The following EYS variants were observed in gnomAD, a reference collection of about 807,000 sequenced individuals.
EYS encodes EGF-like photoreceptor maintenance factor.
In EYS, 250 loss-of-function variants were observed where a neutral mutation model predicts 282.1. The ratio of observed to expected loss-of-function variants is 0.89; its 90% CI spans 0.80 to 0.98. The LOEUF is 0.98. EYS is among the 50% of genes least tolerant of loss of function. The probability of loss-of-function intolerance (pLI) is 0.00; values close to 1 mark genes in which losing one functional copy is unlikely to be tolerated. For synonymous variants in EYS, 1,355 were observed against 1,282.9 expected (o/e 1.06, Z -1.20); for missense variants, 4,016 against 3,709.0 (o/e 1.08, Z -2.15).
At chr6:65,080,911 G>A (rs1370557797) in intron 12 of EYS, among the ~76,000 whole-genome samples, 1 of 151,910 alleles carries the variant, frequency 6.6e-6, no homozygotes, top group African/African-American at 2.4e-5. Context: ...GAACAACCTG[G>A]TATCTTTATC....
At chr6:65,135,758 ATTTTAGTAG>A (rs1776007651) in intron 12 of EYS, among the ~76,000 whole-genome samples, 1 of 151,918 alleles carries the variant, frequency 6.6e-6, no homozygotes, top group Admixed American at 6.6e-5. Context: ...TTCATCTGGA[ATTTTAGTAG>A]TGACCATTCA....
rs1344662373 is a variant in EYS at position 64,589,893 on chromosome 6, G to GTTCA, written c.5644+329_5644+330insTGAA. 2.6e-5 allele frequency among the ~76,000 whole-genome samples: 4 copies of GTTCA among 152,020 alleles called. No homozygotes were observed. In the East Asian group the frequency reaches 7.7e-4, roughly 29 times the overall value. On this transcript the variant is annotated intron_variant, in intron 26 of 42. Coordinates refer to ENST00000503581, the MANE Select transcript of EYS (RefSeq NM_001142800.2). ...ATATTGTGTTCAACCTGACAAAGAAGCTATTTCAAGAAATGAGAATAATAA... is the reference window on the plus strand; with the variant it reads ...ATATTGTGTTCAACCTGACAAAGAAGTTCACTATTTCAAGAAATGAGAATAATAA...
chr6:64,987,690 A>G (rs1770908196), intron 14 of EYS, among the ~76,000 whole-genome samples: 1 of 151,502 alleles, frequency 6.6e-6, no homozygotes, highest in African/African-American at 2.4e-5. Context: ...TTCTATGAAC[A>G]TTACATTTTT....
chr6:64,760,861 A>G (rs1006096479), intron 22 of EYS, among the ~76,000 whole-genome samples: 3 of 152,184 alleles, frequency 2.0e-5, no homozygotes, highest in Admixed American at 1.3e-4. Context: ...AGACATACTG[A>G]AAGAGGCTGG....
chr6:64,382,866 T>C (rs1772792015), intron 29 of EYS, among the ~76,000 whole-genome samples: 1 of 151,680 alleles, frequency 6.6e-6, no homozygotes, highest in Non-Finnish European at 1.5e-5. Context: ...GAGTAAAAAA[T>C]GGGAAGAGTG....
At chr6:65,281,615 A>C (rs1427415773) in intron 12 of EYS, among the ~76,000 whole-genome samples, 2 of 152,194 alleles carry the variant, frequency 1.3e-5, no homozygotes, top group Non-Finnish European at 2.9e-5. Flanking sequence ...TGCATATGTC[A>C]GTACTTTACT....
chr6:64,216,649 A>G (rs1264228451), intron 31 of EYS, among the ~76,000 whole-genome samples: 2 of 152,172 alleles, frequency 1.3e-5, no homozygotes, highest in African/African-American at 4.8e-5. Flanking sequence ...CTCAGAGAAC[A>G]CATTCTGCAA....
intron 26 of EYS, among the ~76,000 whole-genome samples, chr6:64,571,339 T>C (rs181599555): frequency 3.9e-5 from 6 of 151,948 alleles, no homozygotes; most frequent in African/African-American, 1.5e-4. Context: ...AGATCTAAAA[T>C]CAATACCCTA....
chr6:64,719,417 C>T (rs1318354029), intron 22 of EYS, among the ~76,000 whole-genome samples: 1 of 152,020 alleles, frequency 6.6e-6, no homozygotes. Context: ...GGGAAGAGTA[C>T]ATTGCTATTG....
intron 12 of EYS, among the ~76,000 whole-genome samples, chr6:65,060,229 AC>A (rs1773528269): frequency 7.3e-6 from 1 of 137,006 alleles, no homozygotes; most frequent in East Asian, 2.0e-4. Context: ...TACAAGGAAG[AC>A]TTTTTTTTTT....
chr6:64,676,589 C>A (rs1769693901), intron 22 of EYS, among the ~76,000 whole-genome samples: 1 of 152,024 alleles, frequency 6.6e-6, no homozygotes, highest in African/African-American at 2.4e-5. Flanking sequence ...TAACATTTTG[C>A]CATACATTTT....
At chr6:64,417,180 C>T (rs540718896) in intron 28 of EYS, among the ~76,000 whole-genome samples, 13 of 152,116 alleles carry the variant, frequency 8.5e-5, no homozygotes, top group Non-Finnish European at 1.8e-4. Context: ...TTTTAAAATG[C>T]TCAAGAGTAA....
intron 41 of EYS, among the ~76,000 whole-genome samples, chr6:63,760,433 A>G (rs895747850): frequency 1.3e-5 from 2 of 152,052 alleles, no homozygotes; most frequent in African/African-American, 2.4e-5. Flanking sequence ...TTCTTGGTAT[A>G]ATATTTTAAT....
At chr6:64,455,588 T>A (rs1197575232) in intron 26 of EYS, among the ~76,000 whole-genome samples, 1 of 152,188 alleles carries the variant, frequency 6.6e-6, no homozygotes, top group East Asian at 1.9e-4. Context: ...TTTGTCCTAA[T>A]GCACTCCCTC....
chr6:65,084,740 TCA>T (rs1774318666), intron 12 of EYS, among the ~76,000 whole-genome samples: 1 of 152,168 alleles, frequency 6.6e-6, no homozygotes, highest in Non-Finnish European at 1.5e-5. Context: ...GATAAATGTC[TCA>T]CTATCTCAGT....
chr6:64,691,447 T>C lies in EYS; in HGVS notation c.3444-65202A>G, dbSNP rs139835665. The stretch of plus-strand genomic sequence containing the variant: ...TTTCAGAATACAGTATATATGTACA[T>C]ATAGTCAATGAATTTTTATATGCAA... On this transcript the variant is annotated intron_variant, in intron 22 of 42. Transcript: ENST00000503581. 7.0e-3 allele frequency among the ~76,000 whole-genome samples: 1,071 copies of C among 152,330 alleles called. 11 individuals are homozygous for C. The highest frequency in any genetic ancestry group is 0.024 in the African/African-American group (1,006 of 41,578).
chr6:64,058,626 T>C (rs1182707914), intron 33 of EYS, among the ~76,000 whole-genome samples: 1 of 152,210 alleles, frequency 6.6e-6, no homozygotes, highest in Admixed American at 6.5e-5. Context: ...GTTATTTAAC[T>C]GTGCTATATG....
At chr6:64,796,426 A>C (rs144512408) in intron 22 of EYS, among the ~76,000 whole-genome samples, 356 of 152,264 alleles carry the variant, frequency 2.3e-3, no homozygotes, top group Middle Eastern at 0.014. Context: ...TTAAGGGGAG[A>C]GGATATAAGA....
chr6:65,311,176 AAGT>A (rs1363958477), intron 11 of EYS, among the ~76,000 whole-genome samples: 1 of 152,222 alleles, frequency 6.6e-6, no homozygotes, highest in African/African-American at 2.4e-5. Flanking sequence ...AAAAAGTATG[AAGT>A]ACTACAATAT....
Sources: allele counts gnomAD v4.1 joint callset (sites outside exome capture counted in the v4.1 genomes callset), GRCh38; gene constraint gnomAD v4.1.1; transcripts MANE v1.5; gene names NCBI Gene and HGNC (gene_info 2026-07-23, HGNC 2026-07-21).